Variants in RAB11FIP3 observed in about 807,000 individuals in gnomAD.
The protein encoded by RAB11FIP3 is rab11 family-interacting protein 3.
RAB11FIP3 carries 17 observed loss-of-function variants against 77.8 expected under a neutral mutation model. The ratio of observed to expected loss-of-function variants is 0.22; its 90% CI spans 0.15 to 0.33. The LOEUF (loss-of-function observed/expected upper bound fraction) is 0.33, where lower values mean the gene tolerates loss of function less well. RAB11FIP3 is among the 10% of genes least tolerant of loss of function. The pLI, the probability that RAB11FIP3 is intolerant of heterozygous loss-of-function variation, is 1.00. For missense variants in RAB11FIP3, 1,005 were observed against 1,011.2 expected (o/e 0.99, Z 0.08); for synonymous variants, 437 against 448.2 (o/e 0.98, Z 0.31).
chr16:503,330 C>T (rs922920439), intron 7 of RAB11FIP3, among the ~76,000 whole-genome samples: 1 of 152,200 alleles, frequency 6.6e-6, no homozygotes, highest in Non-Finnish European at 1.5e-5. Context: ...GAAGGGCCAG[C>T]TGGGAGGAGT....
At position 482,644 on chromosome 16, in the gene RAB11FIP3, C is replaced by A. The variant is rs780685169; in HGVS notation, c.1023C>A (p.Asp341Glu). The change falls in exon 4 of 14, where the codon GAC (aspartate) becomes GAA (glutamate). Residue 341 changes from aspartate to glutamate, a missense_variant. Coordinates refer to ENST00000262305, the MANE Select transcript of RAB11FIP3 (RefSeq NM_014700.4). Reference sequence around the variant, plus strand: ...ACCCTGAGCTGCAACCTGAAGGGGACGCAGACAGTGCCGGCGGCTCGGCCG... The same window carrying A: ...ACCCTGAGCTGCAACCTGAAGGGGAAGCAGACAGTGCCGGCGGCTCGGCCG... ...LVHPELQPEG[D>E]ADSAGGSAVP... 1.2e-6 allele frequency: 2 copies of A among 1,613,240 alleles called. No homozygotes were observed. The highest frequency in any genetic ancestry group is 1.7e-6 in the Non-Finnish European group (2 of 1,180,044).
chr16:493,808 T>C lies in RAB11FIP3; in HGVS notation c.1266-3016T>C, dbSNP rs536968959. Among the ~76,000 whole-genome samples, 634 of 147,228 alleles carry C rather than the reference T, an allele frequency of 4.3e-3. 8 individuals are homozygous for C. The highest frequency in any genetic ancestry group is 0.015 in the African/African-American group (588 of 39,820). Reference sequence around the variant, plus strand: ...TTTTAGTAGACACGGGGTTTCACCATGTCTCAATCTCCGGACCTCGTGATC... The same window carrying C: ...TTTTAGTAGACACGGGGTTTCACCACGTCTCAATCTCCGGACCTCGTGATC... On this transcript the variant is annotated intron_variant, in intron 5 of 13. Coordinates refer to ENST00000262305, the MANE Select transcript of RAB11FIP3 (RefSeq NM_014700.4).
At chr16:485,042 A>T (rs530108189) in intron 4 of RAB11FIP3, among the ~76,000 whole-genome samples, 1 of 151,870 alleles carries the variant, frequency 6.6e-6, no homozygotes. Context: ...CTAATAAGGC[A>T]TGCACCTTTT....
chr16:434,210 C>T (rs1261966242), intron 1 of RAB11FIP3, among the ~76,000 whole-genome samples: 1 of 152,190 alleles, frequency 6.6e-6, no homozygotes, highest in Non-Finnish European at 1.5e-5. Context: ...CAACCTTCGC[C>T]TCCTGGGTTC....
chr16:432,120 C>G (rs2055047305), intron 1 of RAB11FIP3, among the ~76,000 whole-genome samples: 1 of 152,150 alleles, frequency 6.6e-6, no homozygotes, highest in Admixed American at 6.6e-5. Context: ...CGGTAACTCA[C>G]ACCTGTCATC....
chr16:497,074 T>C (rs903327123), intron 6 of RAB11FIP3: 2 of 576,064 alleles, frequency 3.5e-6, no homozygotes, highest in Non-Finnish European at 5.6e-6. Context: ...CCAGGGAGGG[T>C]ACGTGTCAGA....
Position 471,500 on chromosome 16 carries a change from G to C in RAB11FIP3, c.903+111G>C, listed in dbSNP as rs930040724. The C allele has an allele frequency of 2.1e-6, 2 of 946,342 alleles. No individual in the cohort carries two copies. Among genetic ancestry groups the C allele is most frequent in the African/African-American group, 3.3e-5 (2 of 61,456 alleles). The allele number at this position is 946,342 out of a possible 1,614,324, so 58.6% of individuals were successfully genotyped here. A position where few individuals can be genotyped will look rare whatever the true frequency, so the allele number is the denominator to read the frequency against. The stretch of plus-strand genomic sequence containing the variant: ...GGCTGTCTTCCGTAGAAGCTGGCGT[G>C]AAGGAAGGGCCTCCCGCCCTGTGTG... On this transcript the variant is annotated intron_variant, in intron 3 of 13. Coordinates refer to ENST00000262305, the MANE Select transcript of RAB11FIP3 (RefSeq NM_014700.4). This position sits in a 1 kb window ranked among gnomAD's most constrained non-coding sequence, Gnocchi z 4.4.
At chr16:435,631 G>C (rs574752137) in intron 1 of RAB11FIP3, among the ~76,000 whole-genome samples, 2 of 152,216 alleles carry the variant, frequency 1.3e-5, no homozygotes, top group African/African-American at 4.8e-5. Context: ...TGGTGGGAAG[G>C]GTTTTATTTG....
At chr16:439,368 G>C (rs1160981202) in intron 1 of RAB11FIP3, 1 of 152,226 alleles carries the variant, frequency 6.6e-6, no homozygotes, top group Non-Finnish European at 1.5e-5. Context: ...TGATCAGTTA[G>C]TTGTAAACAC....
At chr16:436,893 G>A (rs2055139179) in intron 1 of RAB11FIP3, among the ~76,000 whole-genome samples, 1 of 152,140 alleles carries the variant, frequency 6.6e-6, no homozygotes, top group South Asian at 2.1e-4. Context: ...AATTCTTAGT[G>A]ACAGAATTAT....
chr16:469,232 T>C (rs1258134956), intron 2 of RAB11FIP3, among the ~76,000 whole-genome samples: 1 of 151,836 alleles, frequency 6.6e-6, no homozygotes, highest in African/African-American at 2.4e-5. Flanking sequence ...CATACCACCA[T>C]GCCCAGCTAA....
At chr16:428,772 A>G (rs886456000) in intron 1 of RAB11FIP3, among the ~76,000 whole-genome samples, 3 of 152,166 alleles carry the variant, frequency 2.0e-5, no homozygotes, top group African/African-American at 7.2e-5. Flanking sequence ...TTTATTTGAG[A>G]AACATCTTTT....
intron 7 of RAB11FIP3, among the ~76,000 whole-genome samples, chr16:504,107 CCTCA>C (rs2031695062): frequency 6.4e-5 from 5 of 78,184 alleles, no homozygotes; most frequent in Middle Eastern, 7.2e-3. Flanking sequence ...TCCTGTACCC[CCTCA>C]CCTCCTCCTG....
chr16:460,791 G>T (rs2055592274), intron 1 of RAB11FIP3, among the ~76,000 whole-genome samples: 2 of 152,166 alleles, frequency 1.3e-5, no homozygotes, highest in Non-Finnish European at 2.9e-5. Flanking sequence ...GACCCTGGCT[G>T]CTGGCGTTCA....
chr16:467,097 G>A (rs2055713820), intron 2 of RAB11FIP3, among the ~76,000 whole-genome samples: 1 of 152,202 alleles, frequency 6.6e-6, no homozygotes, highest in Non-Finnish European at 1.5e-5. Context: ...CTGCCCTTGG[G>A]AGCTGGCTTT....
rs1596292429 is a variant in RAB11FIP3 at position 505,831 on chromosome 16, T to G, written c.1499+204T>G. 6.6e-6 allele frequency among the ~76,000 whole-genome samples: 1 copy of G among 152,102 alleles called. No homozygotes were observed. Among genetic ancestry groups the G allele is most frequent in the African/African-American group, 2.4e-5 (1 of 41,416 alleles). ...GCAGGCGACCCGAGGCTCTGACTGG[T>G]GCTCTCATGGAACCCTAGACACACA... On this transcript the variant is annotated intron_variant, in intron 8 of 13. Coordinates refer to ENST00000262305, the MANE Select transcript of RAB11FIP3 (RefSeq NM_014700.4). The surrounding 1 kb of genome is among the most constrained non-coding windows in gnomAD (Gnocchi z 4.0).
intron 2 of RAB11FIP3, among the ~76,000 whole-genome samples, chr16:467,523 G>A (rs1358578204): frequency 4.8e-5 from 7 of 146,672 alleles, no homozygotes; most frequent in African/African-American, 1.8e-4. Context: ...GAGGTGCGGG[G>A]GCGTCAGGGA....
intron 1 of RAB11FIP3, among the ~76,000 whole-genome samples, chr16:438,787 T>A (rs1016652846): frequency 1.3e-5 from 2 of 151,888 alleles, no homozygotes; most frequent in Non-Finnish European, 2.9e-5. Flanking sequence ...CCTCCCAGGT[T>A]CAAGTGATTC....
intron 2 of RAB11FIP3, among the ~76,000 whole-genome samples, chr16:463,445 T>G (rs1420440630): frequency 2.0e-5 from 3 of 148,464 alleles, no homozygotes; most frequent in Non-Finnish European, 4.5e-5. Context: ...TTTTTTTTTT[T>G]TTTTTTTTTT....
Sources: gnomAD v4.1 joint callset for allele counts (sites outside exome capture counted in the v4.1 genomes callset) on GRCh38, gnomAD v4.1.1 for gene constraint, Gnocchi (gnomAD v3.1) non-coding constraint, MANE v1.5 for transcripts, NCBI Gene and HGNC (gene_info 2026-07-23, HGNC 2026-07-21) for gene names.